Variants in APBA1 observed in about 807,000 individuals in gnomAD.
APBA1 encodes amyloid-beta A4 precursor protein-binding family A member 1.
Under a neutral mutation model 86.6 loss-of-function variants are expected in APBA1, and 55 were observed. The ratio of observed to expected loss-of-function variants is 0.64; its 90% CI spans 0.51 to 0.80. The LOEUF (loss-of-function observed/expected upper bound fraction) is 0.80. Among genes scored for constraint, APBA1 ranks in the 30% least tolerant of loss-of-function variants. The pLI is 0.00. For missense variants in APBA1, 1,090 were observed against 1,183.0 expected, an observed-to-expected ratio of 0.92 and a Z score of 1.15; for synonymous variants, 511 against 493.9, an observed-to-expected ratio of 1.03 and a Z score of -0.46.
At chr9:69,514,310 C>T (rs1359494743) in intron 2 of APBA1, among the ~76,000 whole-genome samples, 2 of 152,132 alleles carry the variant, frequency 1.3e-5, no homozygotes, top group Non-Finnish European at 2.9e-5. Context: ...AACTGCAGAG[C>T]CTGGGAGTGG....
intron 1 of APBA1, among the ~76,000 whole-genome samples, chr9:69,524,428 G>C (rs1224292278): frequency 6.6e-6 from 1 of 151,952 alleles, no homozygotes; most frequent in Admixed American, 6.6e-5. Context: ...AAATACAATA[G>C]ATACTCACAG....
intron 1 of APBA1, among the ~76,000 whole-genome samples, chr9:69,650,314 T>C (rs776041037): frequency 7.9e-5 from 12 of 152,240 alleles, no homozygotes; most frequent in Non-Finnish European, 1.6e-4. Context: ...ATGCTGCTTA[T>C]AGTAAGCAAT....
chr9:69,670,247 A>C (rs1362665322), intron 1 of APBA1, among the ~76,000 whole-genome samples: 1 of 152,224 alleles, frequency 6.6e-6, no homozygotes, highest in Admixed American at 6.5e-5. Flanking sequence ...AAAAAAAAGC[A>C]TATGTGGATA....
intron 10 of APBA1, 83 bp downstream of exon 10, chr9:69,449,499 CAT>C (rs1834964893): frequency 6.4e-6 from 8 of 1,246,342 alleles, no homozygotes; most frequent in Non-Finnish European, 9.3e-6. Context: ...TGAATATGTT[CAT>C]ATACATTAAT....
chr9:69,622,757 T>C (rs1258329853), intron 1 of APBA1, among the ~76,000 whole-genome samples: 1 of 152,162 alleles, frequency 6.6e-6, no homozygotes, highest in East Asian at 1.9e-4. Flanking sequence ...CAAGAACAAC[T>C]TATTCAGAGC....
chr9:69,611,740 T>G (rs1822592345), intron 1 of APBA1, among the ~76,000 whole-genome samples: 2 of 152,212 alleles, frequency 1.3e-5, no homozygotes, highest in African/African-American at 4.8e-5. Flanking sequence ...TATAAGGTAT[T>G]TATTTGTGTG....
rs566834464 is a variant in APBA1 at position 69,520,230 on chromosome 9, G to A, written c.-69-2951C>T. 5.3e-5 allele frequency among the ~76,000 whole-genome samples: 8 copies of A among 152,250 alleles called. No individual in the cohort carries two copies. In the South Asian group the frequency reaches 1.5e-3, roughly 28 times the overall value. On this transcript the variant is annotated intron_variant, in intron 1 of 12. Transcript: ENST00000265381. ...CTTAGGTTTATCCCTACACACAAGA[G>A]GACTGTTCTCCATACGCTGGCAACT...
intron 1 of APBA1, among the ~76,000 whole-genome samples, chr9:69,613,888 G>A (rs1822643421): frequency 6.6e-6 from 1 of 152,100 alleles, no homozygotes; most frequent in South Asian, 2.1e-4. Context: ...TTTTCATCAG[G>A]TTTGACTTCC....
chr9:69,514,187 A>G (rs1179983868), intron 2 of APBA1, among the ~76,000 whole-genome samples: 6 of 152,216 alleles, frequency 3.9e-5, no homozygotes, highest in Non-Finnish European at 8.8e-5. Flanking sequence ...AATGAAACAC[A>G]ATTTGCTTTA....
At chr9:69,614,368 T>G (rs946234496) in intron 1 of APBA1, among the ~76,000 whole-genome samples, 1 of 152,198 alleles carries the variant, frequency 6.6e-6, no homozygotes, top group African/African-American at 2.4e-5. Context: ...TATGGTAAAT[T>G]GTATGAGAAA....
chr9:69,532,177 A>G (rs1258657758), intron 1 of APBA1, among the ~76,000 whole-genome samples: 2 of 151,784 alleles, frequency 1.3e-5, no homozygotes, highest in Non-Finnish European at 2.9e-5. Context: ...TGTGTAGCAG[A>G]GGGGGAAGGG....
At chr9:69,440,808 AC>A (rs1225148421) in intron 11 of APBA1, among the ~76,000 whole-genome samples, 187 bp downstream of exon 11, 3 of 151,772 alleles carry the variant, frequency 2.0e-5, no homozygotes, top group African/African-American at 7.3e-5. Context: ...ACTGACCGGC[AC>A]TCCCCAGTGA....
At chr9:69,659,383 T>C (rs773298449) in intron 1 of APBA1, among the ~76,000 whole-genome samples, 8 of 152,208 alleles carry the variant, frequency 5.3e-5, no homozygotes, top group Non-Finnish European at 1.0e-4. Flanking sequence ...AAATGACACC[T>C]GAATCATCCA....
In APBA1 at chr9:69,611,650, T is replaced by C. The variant is rs111721571; in HGVS notation, c.-70+60503A>G. Among the ~76,000 whole-genome samples, 942 of 152,338 alleles carry C rather than the reference T, an allele frequency of 6.2e-3. 10 individuals are homozygous for C. The highest frequency in any genetic ancestry group is 0.021 in the African/African-American group (891 of 41,578). ...GTTCCATTTTGTCAGAAATATAATT[T>C]GGATCCAACTGTCTTATCAACTAAT... is the stretch of plus-strand genomic sequence containing the variant. On this transcript the variant is annotated intron_variant, in intron 1 of 12. Coordinates refer to ENST00000265381, the MANE Select transcript of APBA1 (RefSeq NM_001163.4).
intron 1 of APBA1, among the ~76,000 whole-genome samples, chr9:69,670,359 C>T (rs1034002426): frequency 6.6e-6 from 1 of 152,124 alleles, no homozygotes; most frequent in African/African-American, 2.4e-5. Flanking sequence ...CTGGTGCCAA[C>T]ATGTTGTATA....
chr9:69,530,387 TA>T (rs1169165375), intron 1 of APBA1, among the ~76,000 whole-genome samples: 4 of 149,668 alleles, frequency 2.7e-5, no homozygotes, highest in Admixed American at 6.7e-5. Context: ...TATGCAGCCA[TA>T]AAAAAGAATG....
chr9:69,541,079 TAC>T (rs916433209), intron 1 of APBA1, among the ~76,000 whole-genome samples: 22 of 152,232 alleles, frequency 1.4e-4, no homozygotes, highest in Admixed American at 7.9e-4. Context: ...ATTTTATTTA[TAC>T]AGTCATCTAT....
intron 1 of APBA1, among the ~76,000 whole-genome samples, chr9:69,594,097 G>C (rs1822183772): frequency 6.6e-6 from 1 of 152,112 alleles, no homozygotes; most frequent in Non-Finnish European, 1.5e-5. Context: ...GCTGAGTTGG[G>C]CCACAGGCTC....
At chr9:69,636,922 G>GAAAGAAA (rs1823183261) in intron 1 of APBA1, among the ~76,000 whole-genome samples, 7 of 63,970 alleles carry the variant, frequency 1.1e-4, no homozygotes, top group African/African-American at 4.7e-4. Flanking sequence ...AAGGAAGGAA[G>GAAAGAAA]GAAAGAAAGA....
Sources: gnomAD v4.1 joint callset for allele counts (sites outside exome capture counted in the v4.1 genomes callset) on GRCh38, gnomAD v4.1.1 for gene constraint, MANE v1.5 for transcripts, NCBI Gene and HGNC (gene_info 2026-07-23, HGNC 2026-07-21) for gene names.